ROCK1: variants seen among roughly 807,000 people sequenced by gnomAD.
ROCK1 encodes the protein Rho associated coiled-coil containing protein kinase 1, also known as rho-associated protein kinase 1.
Under a neutral mutation model 196.8 loss-of-function variants are expected in ROCK1, and 36 were observed. That is an observed-to-expected ratio of 0.18 (90% CI 0.14 to 0.24). ROCK1 has a LOEUF of 0.24. ROCK1 is among the 10% of genes least tolerant of loss of function. The probability of loss-of-function intolerance (pLI) is 1.00; values close to 1 mark genes in which losing one functional copy is unlikely to be tolerated. For missense variants in ROCK1, 920 were observed against 1,562.0 expected, an observed-to-expected ratio of 0.59 and a Z score of 6.93; for synonymous variants, 443 against 515.9, an observed-to-expected ratio of 0.86 and a Z score of 1.91.
intron 18 of ROCK1, among the ~76,000 whole-genome samples, chr18:20,990,026 T>C (rs544147692): frequency 4.7e-5 from 7 of 150,180 alleles, no homozygotes; most frequent in South Asian, 4.3e-4. Flanking sequence ...AAGGATCCCT[T>C]GAGCCCAGGA....
At chr18:21,066,341 T>C (rs1046648899) in intron 2 of ROCK1, among the ~76,000 whole-genome samples, 2 of 152,208 alleles carry the variant, frequency 1.3e-5, no homozygotes, top group African/African-American at 4.8e-5. Context: ...GCCACATACA[T>C]TGTTTTCCTT....
chr18:20,959,158 T>C (rs1333165362), intron 29 of ROCK1, among the ~76,000 whole-genome samples: 2 of 70,762 alleles, frequency 2.8e-5, no homozygotes, highest in African/African-American at 1.4e-4. Flanking sequence ...ATATATATAT[T>C]ATATATTATA....
chr18:21,079,625 G>A lies in ROCK1; in HGVS notation c.94-9012C>T, dbSNP rs570995157. ...CTGATGGTACAACTGGAGTGGAACCGGAAGGGTTGGGACTTCAGTAGCTGT... is the reference window on the plus strand; with the variant it reads ...CTGATGGTACAACTGGAGTGGAACCAGAAGGGTTGGGACTTCAGTAGCTGT... On this transcript the variant is annotated intron_variant, in intron 1 of 32. Transcript: ENST00000399799. Among the ~76,000 whole-genome samples, 27 of 152,264 alleles carry A rather than the reference G, an allele frequency of 1.8e-4. 1 individual carries two copies. In the South Asian group the frequency reaches 3.7e-3, roughly 21 times the overall value.
intron 31 of ROCK1, 128 bp downstream of exon 31, chr18:20,954,655 C>G (rs1204294834): frequency 1.2e-6 from 1 of 869,336 alleles, no homozygotes; most frequent in African/African-American, 1.7e-5. Context: ...TATTGCCCCA[C>G]CAGTGTCAAA....
At chr18:21,034,357 G>C (rs1809632861) in intron 9 of ROCK1, among the ~76,000 whole-genome samples, 1 of 152,066 alleles carries the variant, frequency 6.6e-6, no homozygotes, top group African/African-American at 2.4e-5. Flanking sequence ...TTTTGAAAAA[G>C]AACGAAGTTG....
At chr18:20,966,843 A>C (rs1225823193) in intron 27 of ROCK1, 74 bp downstream of exon 27, 1 of 1,231,420 alleles carries the variant, frequency 8.1e-7, no homozygotes, top group Non-Finnish European at 1.1e-6. Context: ...AGGAGGTAGA[A>C]AACCAAATGA....
At chr18:20,985,761 A>C (rs1157394490) in intron 19 of ROCK1, among the ~76,000 whole-genome samples, 1 of 152,182 alleles carries the variant, frequency 6.6e-6, no homozygotes, top group Non-Finnish European at 1.5e-5. Flanking sequence ...GCTAGCTTTA[A>C]TAGGTATCTC....
intron 2 of ROCK1, among the ~76,000 whole-genome samples, chr18:21,066,745 A>G (rs1008630828): frequency 6.6e-6 from 1 of 152,174 alleles, no homozygotes; most frequent in African/African-American, 2.4e-5. Flanking sequence ...AGATTGCTGG[A>G]TATTGCACAT....
chr18:21,005,905 C>T lies in ROCK1; in HGVS notation c.1885+446G>A, dbSNP rs144109190. Among the ~76,000 whole-genome samples the T allele has an allele frequency of 3.1e-4, 47 of 152,110 alleles. No homozygotes were observed. The East Asian group carries it at 7.4e-3, about 24-fold the overall frequency. On this transcript the variant is annotated intron_variant, in intron 16 of 32. Coordinates refer to ENST00000399799, the MANE Select transcript of ROCK1 (RefSeq NM_005406.3). ...AAAACGTAAACAATAAAAAAGAATGCAACCATTTCTGGTTTCACCAAAGTC... is the reference window on the plus strand; with the variant it reads ...AAAACGTAAACAATAAAAAAGAATGTAACCATTTCTGGTTTCACCAAAGTC...
chr18:21,102,709 T>C (rs377188983), intron 1 of ROCK1, among the ~76,000 whole-genome samples: 9 of 151,656 alleles, frequency 5.9e-5, no homozygotes, highest in African/African-American at 1.9e-4. Flanking sequence ...CCAAAAAAAA[T>C]ACAAAAATTA....
At chr18:21,022,931 T>C (rs2035926477) in intron 11 of ROCK1, among the ~76,000 whole-genome samples, 1 of 152,124 alleles carries the variant, frequency 6.6e-6, no homozygotes, top group Non-Finnish European at 1.5e-5. Flanking sequence ...AATTTTAATA[T>C]ATACTACAAC....
chr18:21,028,505 G>C (rs2035980347), intron 10 of ROCK1, among the ~76,000 whole-genome samples: 2 of 152,056 alleles, frequency 1.3e-5, no homozygotes, highest in South Asian at 2.1e-4. Flanking sequence ...CAAAATATCA[G>C]TATTTATGGC....
rs1485168006 is a variant in ROCK1, at chr18:20,948,465, TTTAC to T, written c.*2915_*2918del. On this transcript the variant is annotated 3_prime_UTR_variant, in exon 33 of 33. Coordinates refer to ENST00000399799, the MANE Select transcript of ROCK1 (RefSeq NM_005406.3). ...ACTATGAGTTTGTCATTTAAGTTCT[TTTAC>T]TTATTTTTTTTACTTTAAATGAAGG... 1 of 150,722 alleles carries T rather than the reference TTTAC, an allele frequency of 6.6e-6. No homozygotes were observed. Among genetic ancestry groups the T allele is most frequent in the African/African-American group, 2.5e-5 (1 of 40,054 alleles). The allele number at this position is 150,722 out of a possible 1,614,324, so 9.3% of individuals were successfully genotyped here.
At chr18:21,069,401 G>T (rs1453280912) in intron 2 of ROCK1, among the ~76,000 whole-genome samples, 1 of 151,796 alleles carries the variant, frequency 6.6e-6, no homozygotes, top group Non-Finnish European at 1.5e-5. Flanking sequence ...AAAATAAATT[G>T]TACAGGTTTA....
intron 1 of ROCK1, among the ~76,000 whole-genome samples, chr18:21,104,357 G>A (rs925012962): frequency 1.3e-5 from 2 of 152,164 alleles, no homozygotes; most frequent in Non-Finnish European, 1.5e-5. Flanking sequence ...CAGCACTGTG[G>A]GAGGCTGAGG....
At chr18:20,988,095 TC>T (rs2035592601) in intron 18 of ROCK1, among the ~76,000 whole-genome samples, 1 of 152,096 alleles carries the variant, frequency 6.6e-6, no homozygotes. Context: ...AGATGGTGTC[TC>T]GCTCTGTTGC....
chr18:21,095,062 A>AG (rs1175138580), intron 1 of ROCK1, among the ~76,000 whole-genome samples: 4 of 151,812 alleles, frequency 2.6e-5, no homozygotes, highest in African/African-American at 9.7e-5. Context: ...AAAAAAAAAA[A>AG]AAAAAAAAAG....
intron 9 of ROCK1, among the ~76,000 whole-genome samples, chr18:21,036,972 G>C (rs1337879078): frequency 6.6e-6 from 1 of 151,310 alleles, no homozygotes; most frequent in Admixed American, 6.6e-5. Context: ...TTCCATTTTT[G>C]ATCTATATAA....
chr18:21,109,109 A>T (rs2036727217), intron 1 of ROCK1, among the ~76,000 whole-genome samples: 1 of 152,198 alleles, frequency 6.6e-6, no homozygotes, highest in Admixed American at 6.5e-5. Context: ...TCTTTCTCTC[A>T]ATTTCCAAGA....
Sources: allele counts gnomAD v4.1 joint callset (sites outside exome capture counted in the v4.1 genomes callset), GRCh38; gene constraint gnomAD v4.1.1; transcripts MANE v1.5; gene names NCBI Gene and HGNC (gene_info 2026-07-23, HGNC 2026-07-21).